The following SYNPO2 variants were observed in gnomAD, a reference collection of about 807,000 sequenced individuals.
SYNPO2 encodes the protein synaptopodin-2.
A neutral mutation model predicts 85.0 loss-of-function variants in SYNPO2; 56 were observed. The observed-to-expected ratio is 0.66, with a 90% CI of 0.53 to 0.82. The LOEUF (loss-of-function observed/expected upper bound fraction) is 0.82, where lower values mean the gene tolerates loss of function less well. Among genes scored for constraint, SYNPO2 ranks in the 40% least tolerant of loss-of-function variants. SYNPO2 has a pLI of 0.00. For missense variants in SYNPO2, 1,575 were observed against 1,534.2 expected (o/e 1.03, Z -0.44); for synonymous variants, 602 against 591.1 (o/e 1.02, Z -0.27).
At chr4:119,054,804 T>C (rs1739161182) in intron 4 of SYNPO2, among the ~76,000 whole-genome samples, 1 of 152,214 alleles carries the variant, frequency 6.6e-6, no homozygotes. Flanking sequence ...GCTGTAAGTT[T>C]CAGACTATTT....
At chr4:118,955,899 C>T (rs1734859034) in intron 1 of SYNPO2, among the ~76,000 whole-genome samples, 1 of 151,980 alleles carries the variant, frequency 6.6e-6, no homozygotes, top group South Asian at 2.1e-4. Context: ...GGAAGCAGAG[C>T]CTTACCTGGA....
upstream of SYNPO2, among the ~76,000 whole-genome samples, chr4:118,886,367 G>A (rs539116157): frequency 4.6e-5 from 7 of 152,170 alleles, no homozygotes; most frequent in South Asian, 4.2e-4. Context: ...TTTAAGCCCC[G>A]CATGCGTTAT....
Position 118,870,961 on chromosome 4 carries a change from G to A in SYNPO2, c.12+20021G>A, listed in dbSNP as rs757588024. 1.3e-4 allele frequency among the ~76,000 whole-genome samples: 20 copies of A among 152,236 alleles called. 1 individual carries two copies. The highest frequency in any genetic ancestry group is 3.4e-3 in the Middle Eastern group (1 of 294). ...ATCACTCACAGCAAGCTCAAAAGAG[G>A]AGAATATCAAGGTTCAGAAAGACAA... is the stretch of plus-strand genomic sequence containing the variant. On this transcript the variant is annotated intron_variant, in intron 1 of 4. Transcript: ENST00000610556.
At chr4:119,012,479 T>C (rs6832058) in intron 1 of SYNPO2, among the ~76,000 whole-genome samples, 27,555 of 150,680 alleles carry the variant, frequency 0.18, 2,840 homozygotes, top group East Asian at 0.42. Flanking sequence ...TTGCTGCACC[T>C]ATCAACCTGT....
intron 1 of SYNPO2, among the ~76,000 whole-genome samples, chr4:118,914,590 A>C (rs1466374442): frequency 6.6e-6 from 1 of 152,162 alleles, no homozygotes; most frequent in East Asian, 1.9e-4. Flanking sequence ...GATATCTGGG[A>C]GGGTTTTTTT....
At chr4:118,981,297 C>G (rs531808296) in intron 1 of SYNPO2, among the ~76,000 whole-genome samples, 1 of 152,182 alleles carries the variant, frequency 6.6e-6, no homozygotes, top group South Asian at 2.1e-4. Flanking sequence ...TCTCATAAGC[C>G]CTGCACAGAA....
chr4:118,893,223 T>C (rs1251092792), intron 1 of SYNPO2, among the ~76,000 whole-genome samples: 1 of 152,176 alleles, frequency 6.6e-6, no homozygotes, highest in Non-Finnish European at 1.5e-5. Flanking sequence ...ATCTATTAAG[T>C]AGGCGATATT....
chr4:119,024,631 A>G lies in SYNPO2; in HGVS notation c.257+1050A>G, dbSNP rs186436612. Among the ~76,000 whole-genome samples, 470 of 152,302 alleles carry G rather than the reference A, an allele frequency of 3.1e-3. 2 individuals are homozygous for G. Among genetic ancestry groups the G allele is most frequent in the African/African-American group, 0.011 (456 of 41,578 alleles). On this transcript the variant is annotated intron_variant, in intron 2 of 4. Transcript: ENST00000307142. ...AGAATCCTTCCTTCATGTTATGAAG[A>G]GAAAATAAGTTTATAAAATACATAA...
intron 1 of SYNPO2, among the ~76,000 whole-genome samples, chr4:118,924,537 T>C (rs762175411): frequency 6.6e-6 from 1 of 152,194 alleles, no homozygotes; most frequent in African/African-American, 2.4e-5. Flanking sequence ...TCAGTGTGGC[T>C]GGATGGTCAT....
chr4:118,993,070 T>C (rs996034179), intron 1 of SYNPO2, among the ~76,000 whole-genome samples: 2 of 152,202 alleles, frequency 1.3e-5, no homozygotes, highest in African/African-American at 4.8e-5. Flanking sequence ...AGAGTAGATA[T>C]GCGAGTTAAT....
At chr4:118,932,158 A>G (rs993550373) in intron 1 of SYNPO2, among the ~76,000 whole-genome samples, 4 of 152,096 alleles carry the variant, frequency 2.6e-5, no homozygotes, top group African/African-American at 9.7e-5. Context: ...GCAGTCTTCT[A>G]TTCATATATT....
chr4:118,956,597 C>A (rs62327805), intron 1 of SYNPO2, among the ~76,000 whole-genome samples: 14,658 of 152,200 alleles, frequency 0.096, 839 homozygotes, highest in East Asian at 0.16. Context: ...ATCGAGCAGT[C>A]ACTATATTCA....
chr4:118,930,026 G>A (rs1041918122), intron 1 of SYNPO2, among the ~76,000 whole-genome samples: 8 of 152,080 alleles, frequency 5.3e-5, no homozygotes, highest in African/African-American at 1.9e-4. Flanking sequence ...TGGCCAGATA[G>A]AACTCTAAGA....
rs551160196 is a variant in SYNPO2 at position 118,973,704 on chromosome 4, C to T, written c.106-49726C>T. Among the ~76,000 whole-genome samples the T allele has an allele frequency of 3.9e-5, 6 of 152,266 alleles. No homozygotes were observed. In the East Asian group the frequency reaches 1.2e-3, roughly 29 times the overall value. On this transcript the variant is annotated intron_variant, in intron 1 of 4. Coordinates refer to ENST00000307142, the MANE Select transcript of SYNPO2 (RefSeq NM_133477.3). ...AATTCCCTCCCCACAAAAGAACCCA[C>T]CATAAATAGCCACATTTTTTTCTTC...
At chr4:119,005,071 G>A (rs2149175146) in intron 1 of SYNPO2, among the ~76,000 whole-genome samples, 1 of 152,198 alleles carries the variant, frequency 6.6e-6, no homozygotes, top group African/African-American at 2.4e-5. Context: ...TGTTGATGGG[G>A]TTGTTTGTTT....
intron 1 of SYNPO2, among the ~76,000 whole-genome samples, chr4:118,859,544 A>G (rs1731573000): frequency 6.6e-6 from 1 of 152,144 alleles, no homozygotes; most frequent in South Asian, 2.1e-4. Context: ...GTACCCATTA[A>G]CCATGCCCAC....
intron 4 of SYNPO2, among the ~76,000 whole-genome samples, chr4:119,051,834 A>G (rs1739060272): frequency 6.6e-6 from 1 of 152,152 alleles, no homozygotes; most frequent in African/African-American, 2.4e-5. Flanking sequence ...TCAAATGCAG[A>G]CTCTACAAAG....
At chr4:118,976,361 G>C (rs550294865) in intron 1 of SYNPO2, among the ~76,000 whole-genome samples, 4 of 152,260 alleles carry the variant, frequency 2.6e-5, no homozygotes, top group Admixed American at 6.5e-5. Flanking sequence ...AGATCTTCGC[G>C]GTGAGTGTTA....
chr4:118,868,158 A>AC (rs1266038352), intron 1 of SYNPO2, among the ~76,000 whole-genome samples: 1 of 151,544 alleles, frequency 6.6e-6, no homozygotes, highest in East Asian at 1.9e-4. Flanking sequence ...TATTAAAAAA[A>AC]ATTAGATGCT....
Sources: gnomAD v4.1 joint callset for allele counts (sites outside exome capture counted in the v4.1 genomes callset) on GRCh38, gnomAD v4.1.1 for gene constraint, MANE v1.5 for transcripts, NCBI Gene and HGNC (gene_info 2026-07-23, HGNC 2026-07-21) for gene names.